The following PPP1R15B variants were observed in gnomAD, a reference collection of about 807,000 sequenced individuals.
PPP1R15B encodes the protein protein phosphatase 1, regulatory (inhibitor) subunit 15B.
A neutral mutation model predicts 53.9 loss-of-function variants in PPP1R15B; 31 were observed. The ratio of observed to expected loss-of-function variants is 0.58; its 90% CI spans 0.43 to 0.78. The LOEUF (loss-of-function observed/expected upper bound fraction) is 0.78. PPP1R15B is among the 30% of genes least tolerant of loss of function. The probability of loss-of-function intolerance (pLI) is 0.00; values close to 1 mark genes in which losing one functional copy is unlikely to be tolerated. For missense variants in PPP1R15B, 928 were observed against 849.6 expected (o/e 1.09, Z -1.15); for synonymous variants, 345 against 329.1 (o/e 1.05, Z -0.52).
In PPP1R15B at chr1:204,405,948, T is replaced by C; in HGVS notation, c.*144A>G. Reference sequence around the variant, plus strand: ...CCTGAATGTTTCTGAGTGGGATATGTTGCAAAAAAAAAAATTAAACTAGAT... The same window carrying C: ...CCTGAATGTTTCTGAGTGGGATATGCTGCAAAAAAAAAAATTAAACTAGAT... On this transcript the variant is annotated 3_prime_UTR_variant, in exon 2 of 2. Coordinates refer to ENST00000367188, the MANE Select transcript of PPP1R15B (RefSeq NM_032833.5). 1 of 1,432,512 alleles carries C rather than the reference T, an allele frequency of 7.0e-7. No homozygotes were observed. The highest frequency in any genetic ancestry group is 2.5e-5 in the East Asian group (1 of 39,806). 88.7% of individuals were successfully genotyped at this position (1,432,512 alleles called of 1,614,324 possible). A position where few individuals can be genotyped will look rare whatever the true frequency, so the allele number is the denominator to read the frequency against.
chr1:204,406,833 A>G (rs1250435772), intron 1 of PPP1R15B, among the ~76,000 whole-genome samples: 2 of 152,126 alleles, frequency 1.3e-5, no homozygotes, highest in Non-Finnish European at 1.5e-5. Flanking sequence ...ATAGAGATAT[A>G]TATCTTTCAT....
chr1:204,409,749 G>C lies in PPP1R15B; in HGVS notation c.1663C>G (p.Leu555Val), dbSNP rs771939401. ...TCAGAATTACAGAATGAGTTCCACA[G>C]TTTGAGACTCTCTGCTTCATCTGCA... ...SSADEAESLK[L>V]WNSFCNSDDP... Residue 555 changes from leucine to valine, a missense_variant, in exon 1 of 2, where the codon CTG becomes GTG. By Grantham distance (32) the Leu-to-Val change is conservative (BLOSUM62 1). Transcript: ENST00000367188. 6.2e-7 allele frequency: 1 copy of C among 1,614,014 alleles called. No homozygotes were observed.
In PPP1R15B at chr1:204,410,825, G is replaced by C; in HGVS notation, c.587C>G (p.Ser196Cys). The change falls in exon 1 of 2, where the codon TCT (serine) becomes TGT (cysteine). Residue 196 changes from serine (S) to cysteine (C), a missense_variant. Physicochemically the swap from Ser to Cys is moderately radical, Grantham distance 112 (BLOSUM62 -1). Transcript: ENST00000367188. The stretch of plus-strand genomic sequence containing the variant: ...GGGCGAAGAGCCAAGTTCCCGGTTA[G>C]AGTACAGACGGGATTGAAGGCTACT... Reference protein sequence around the residue: ...LPSSLQSRLYSNRELGSSPSG... With the variant: ...LPSSLQSRLYCNRELGSSPSG... 1.2e-6 allele frequency: 2 copies of C among 1,614,248 alleles called. No homozygotes were observed. Among genetic ancestry groups the C allele is most frequent in the South Asian group, 1.1e-5 (1 of 91,088 alleles).
chr1:204,411,568 G>T lies in PPP1R15B; in HGVS notation c.-157C>A, dbSNP rs1674381009. 1 of 993,360 alleles carries T rather than the reference G, an allele frequency of 1.0e-6. No homozygotes were observed. 61.5% of individuals were successfully genotyped at this position (993,360 alleles called of 1,614,324 possible). ...GCCAGCAGAAAAGCCACAGAGGGCA[G>T]CGAATGCGGCAGCGGGCGGCAGAAC... is the stretch of plus-strand genomic sequence containing the variant. On this transcript the variant is annotated 5_prime_UTR_variant, in exon 1 of 2. The change creates a new upstream start codon in the 5' untranslated region. Transcript: ENST00000367188.
At position 204,405,080 on chromosome 1, in the gene PPP1R15B, A is replaced by G; in HGVS notation, c.*1012T>C. Reference sequence around the variant, plus strand: ...CAGAACTGCCCATTTCCAATTTTACAGTGGGATCCTGACAGGTTTTAAAAG... The same window carrying G: ...CAGAACTGCCCATTTCCAATTTTACGGTGGGATCCTGACAGGTTTTAAAAG... On this transcript the variant is annotated 3_prime_UTR_variant, in exon 2 of 2. Transcript: ENST00000367188. 1.0e-6 allele frequency: 1 copy of G among 985,806 alleles called. No individual in the cohort carries two copies. The highest frequency in any genetic ancestry group is 1.2e-6 in the Non-Finnish European group (1 of 829,866). The allele number at this position is 985,806 out of a possible 1,614,324, so 61.1% of individuals were successfully genotyped here. A position where few individuals can be genotyped will look rare whatever the true frequency, so the allele number is the denominator to read the frequency against.
rs191944426 is a variant in PPP1R15B at position 204,405,598 on chromosome 1, T to C, written c.*494A>G. The stretch of plus-strand genomic sequence containing the variant: ...CACAAGGTTATTTTTTAGCCTAACA[T>C]AGACAGGCCAAATCATTGAAATAAA... On this transcript the variant is annotated 3_prime_UTR_variant, in exon 2 of 2. Coordinates refer to ENST00000367188, the MANE Select transcript of PPP1R15B (RefSeq NM_032833.5). 24 of 979,884 alleles carry C rather than the reference T, an allele frequency of 2.4e-5. No individual in the cohort carries two copies. The highest frequency in any genetic ancestry group is 7.0e-5 in the African/African-American group (4 of 56,980). The allele number at this position is 979,884 out of a possible 1,614,324, so 60.7% of individuals were successfully genotyped here.
Position 204,410,266 on chromosome 1 carries a change from A to G in PPP1R15B, c.1146T>C (p.Ser382=). The change falls in exon 1 of 2, where the codon TCT becomes TCC. Residue 382 remains serine, a synonymous_variant. Coordinates refer to ENST00000367188, the MANE Select transcript of PPP1R15B (RefSeq NM_032833.5). ...GTATCTCACTAGATGGACAGCCCTC[A>G]GAAGGGCTCTCTTCTTCCAAAGCAA... ...VPLALEEESP[S]EGCPSSEIPM... 1 of 1,614,022 alleles carries G rather than the reference A, an allele frequency of 6.2e-7. No homozygotes were observed. Among genetic ancestry groups the G allele is most frequent in the Non-Finnish European group, 8.5e-7 (1 of 1,179,896 alleles).
Position 204,404,089 on chromosome 1 carries a change from G to C in PPP1R15B, c.*2003C>G, listed in dbSNP as rs1277947256. 3 of 985,258 alleles carry C rather than the reference G, an allele frequency of 3.0e-6. No homozygotes were observed. In the Admixed American group the frequency reaches 1.8e-4, roughly 61 times the overall value. The allele number at this position is 985,258 out of a possible 1,614,324, so 61.0% of individuals were successfully genotyped here. A position where few individuals can be genotyped will look rare whatever the true frequency, so the allele number is the denominator to read the frequency against. On this transcript the variant is annotated 3_prime_UTR_variant, in exon 2 of 2. Transcript: ENST00000367188. ...AAAGAATGCCTGTATGTTGTCAAAA[G>C]GCTTTTTTCAAGGCAAATGACGCCT...
intron 1 of PPP1R15B, among the ~76,000 whole-genome samples, chr1:204,407,319 T>A (rs559347526): frequency 6.6e-6 from 1 of 152,342 alleles, no homozygotes; most frequent in Non-Finnish European, 1.5e-5. Context: ...GTAGTTAAGA[T>A]TTTAAAAACC....
rs1333443536 is a variant in PPP1R15B, at chr1:204,410,105, T to A, written c.1307A>T (p.Asp436Val). ...IDYILGGASS[D>V]LETSSDPEGE... ...TTCTGGATCAGAACTTGTTTCCAGG[T>A]CACTGGATGCACCTCCCAAAATATA... The change falls in exon 1 of 2, where the codon GAC (aspartate) becomes GTC (valine). Residue 436 changes from aspartate to valine, a missense_variant. Coordinates refer to ENST00000367188, the MANE Select transcript of PPP1R15B (RefSeq NM_032833.5). The A allele has an allele frequency of 1.2e-6, 2 of 1,614,018 alleles. No individual in the cohort carries two copies. Among genetic ancestry groups the A allele is most frequent in the Non-Finnish European group, 1.7e-6 (2 of 1,180,026 alleles).
chr1:204,401,637 T>G (rs1156613580), downstream of PPP1R15B, among the ~76,000 whole-genome samples: 1 of 152,194 alleles, frequency 6.6e-6, no homozygotes, highest in Admixed American at 6.5e-5. Context: ...GTACAGAGAA[T>G]AGAGTCCAAA....
At position 204,404,468 on chromosome 1, in the gene PPP1R15B, G is replaced by C. The variant is rs185551487; in HGVS notation, c.*1624C>G. Reference sequence around the variant, plus strand: ...CCACTGCACTCCAAGCTGGGGGACCGAACGAGACTCTGTCTCAAAAAAAAA... The same window carrying C: ...CCACTGCACTCCAAGCTGGGGGACCCAACGAGACTCTGTCTCAAAAAAAAA... On this transcript the variant is annotated 3_prime_UTR_variant, in exon 2 of 2. Transcript: ENST00000367188. 3 of 923,512 alleles carry C rather than the reference G, an allele frequency of 3.2e-6. No individual in the cohort carries two copies. Among genetic ancestry groups the C allele is most frequent in the African/African-American group, 1.8e-5 (1 of 55,538 alleles). 57.2% of individuals were successfully genotyped at this position (923,512 alleles called of 1,614,324 possible).
chr1:204,410,429 T>C lies in PPP1R15B; in HGVS notation c.983A>G (p.Glu328Gly), dbSNP rs1200250182. 6.2e-7 allele frequency: 1 copy of C among 1,614,212 alleles called. No individual in the cohort carries two copies. The highest frequency in any genetic ancestry group is 1.7e-5 in the Admixed American group (1 of 60,026). Residue 328 changes from glutamate (E) to glycine (G), a missense_variant, in exon 1 of 2, where the codon GAA (glutamate) becomes GGA (glycine). Physicochemically the swap from Glu to Gly is moderately conservative, Grantham distance 98. Transcript: ENST00000367188. ...TGGATCCATCCGGAGAAGGCTGTGT[T>C]CCTCCTCCAGGCTGTGGTAGCCATT... Reference protein sequence around the residue: ...QDNGYHSLEEEHSLLRMDPKH... With the variant: ...QDNGYHSLEEGHSLLRMDPKH...
chr1:204,410,464 AGG>A lies in PPP1R15B; in HGVS notation c.946_947del (p.Pro316Ter). Reference protein sequence around the residue: ...QASKGQDLPTPDQDNGYHSLE... With the variant: ...QASKGQDLPTXDQDNGYHSLE... ...GGCTGTGGTAGCCATTATCCTGGTC[AGG>A]GGTGGGTAAATCTTGCCCCTTGCTA... On this transcript the variant is annotated frameshift_variant, in exon 1 of 2. Coordinates refer to ENST00000367188, the MANE Select transcript of PPP1R15B (RefSeq NM_032833.5). LOFTEE classifies it high-confidence loss of function. 1 of 1,614,204 alleles carries A rather than the reference AGG, an allele frequency of 6.2e-7. No homozygotes were observed. Among genetic ancestry groups the A allele is most frequent in the Admixed American group, 1.7e-5 (1 of 60,020 alleles).
At position 204,404,900 on chromosome 1, in the gene PPP1R15B, C is replaced by T. The variant is rs936091416; in HGVS notation, c.*1192G>A. On this transcript the variant is annotated 3_prime_UTR_variant, in exon 2 of 2. Coordinates refer to ENST00000367188, the MANE Select transcript of PPP1R15B (RefSeq NM_032833.5). ...ACTTCAATTCAAAGTAACCTTTGGG[C>T]TAAATATATTAAAACTTTCCAGTCA... The T allele has an allele frequency of 1.3e-5, 13 of 985,642 alleles. No individual in the cohort carries two copies. The African/African-American group carries it at 2.3e-4, about 17-fold the overall frequency. The allele number at this position is 985,642 out of a possible 1,614,324, so 61.1% of individuals were successfully genotyped here. A position where few individuals can be genotyped will look rare whatever the true frequency, so the allele number is the denominator to read the frequency against.
chr1:204,409,738 T>C lies in PPP1R15B; in HGVS notation c.1674A>G (p.Ser558=). The change falls in exon 1 of 2, where the codon TCA becomes TCG. Residue 558 remains serine (S), a synonymous_variant. Transcript: ENST00000367188. ...DEAESLKLWN[S]FCNSDDPYNP... is the part of the protein sequence containing the mutation. ...TGTAGGGGTCATCAGAATTACAGAA[T>C]GAGTTCCACAGTTTGAGACTCTCTG... 5.0e-6 allele frequency: 8 copies of C among 1,614,162 alleles called. No individual in the cohort carries two copies. The highest frequency in any genetic ancestry group is 6.8e-6 in the Non-Finnish European group (8 of 1,180,020).
At position 204,405,508 on chromosome 1, in the gene PPP1R15B, T is replaced by C; in HGVS notation, c.*584A>G. The C allele has an allele frequency of 1.0e-6, 1 of 983,610 alleles. No individual in the cohort carries two copies. Among genetic ancestry groups the C allele is most frequent in the Non-Finnish European group, 1.2e-6 (1 of 828,544 alleles). The allele number at this position is 983,610 out of a possible 1,614,324, so 60.9% of individuals were successfully genotyped here. A position where few individuals can be genotyped will look rare whatever the true frequency, so the allele number is the denominator to read the frequency against. On this transcript the variant is annotated 3_prime_UTR_variant, in exon 2 of 2. Coordinates refer to ENST00000367188, the MANE Select transcript of PPP1R15B (RefSeq NM_032833.5). Reference sequence around the variant, plus strand: ...TAAAAAGGCTACCACATATTTTCAATCCAAGTCATTTTTACAAGAAAAAAA... The same window carrying C: ...TAAAAAGGCTACCACATATTTTCAACCCAAGTCATTTTTACAAGAAAAAAA...
In PPP1R15B at chr1:204,411,756, A is replaced by C; in HGVS notation, c.-345T>G. On this transcript the variant is annotated 5_prime_UTR_variant, in exon 1 of 2. Coordinates refer to ENST00000367188, the MANE Select transcript of PPP1R15B (RefSeq NM_032833.5). ...CTGACAGAGGGTTGAAAAGCCCCTG[A>C]GCAACGCGATACCGGAAGGACTGGG... is the stretch of plus-strand genomic sequence containing the variant. 2.9e-6 allele frequency: 1 copy of C among 347,804 alleles called. No individual in the cohort carries two copies. The highest frequency in any genetic ancestry group is 6.3e-5 in the East Asian group (1 of 16,000). 21.5% of individuals were successfully genotyped at this position (347,804 alleles called of 1,614,324 possible). A position where few individuals can be genotyped will look rare whatever the true frequency, so the allele number is the denominator to read the frequency against.
At position 204,403,622 on chromosome 1, in the gene PPP1R15B, G is replaced by T. The variant is rs940624838; in HGVS notation, c.*2470C>A. The T allele has an allele frequency of 1.0e-6, 1 of 985,180 alleles. No homozygotes were observed. The highest frequency in any genetic ancestry group is 1.2e-6 in the Non-Finnish European group (1 of 829,518). The allele number at this position is 985,180 out of a possible 1,614,324, so 61.0% of individuals were successfully genotyped here. On this transcript the variant is annotated 3_prime_UTR_variant, in exon 2 of 2. Transcript: ENST00000367188. ...GTGTTACATTTCATCACTCAGAAAT[G>T]GAACTTTTACCTGTCTGTACAAAGC...
Sources: gnomAD v4.1 joint callset for allele counts (sites outside exome capture counted in the v4.1 genomes callset) on GRCh38, gnomAD v4.1.1 for gene constraint, MANE v1.5 for transcripts, NCBI Gene and HGNC (gene_info 2026-07-23, HGNC 2026-07-21) for gene names.